NELL1: variants seen among roughly 807,000 people sequenced by gnomAD.
The protein encoded by NELL1 is protein kinase C-binding protein NELL1.
In NELL1, 76 loss-of-function variants were observed where a neutral mutation model predicts 107.4. The observed-to-expected ratio is 0.71, with a 90% confidence interval of 0.59 to 0.86. The LOEUF (loss-of-function observed/expected upper bound fraction) is 0.86. Ranked by LOEUF, NELL1 falls within the 40% of genes least tolerant of loss-of-function variation. The pLI is 0.00. For synonymous variants in NELL1, 353 were observed against 341.2 expected, an observed-to-expected ratio of 1.03 and a Z score of -0.38; for missense variants, 1,024 against 1,005.5, an observed-to-expected ratio of 1.02 and a Z score of -0.25.
At chr11:21,119,576 C>T (rs1002703650) in intron 13 of NELL1, among the ~76,000 whole-genome samples, 2 of 151,982 alleles carry the variant, frequency 1.3e-5, no homozygotes, top group African/African-American at 4.8e-5. Flanking sequence ...TCTCCCTTGG[C>T]CTTTGAAAGG....
At chr11:21,383,101 A>G (rs908356204) in intron 15 of NELL1, among the ~76,000 whole-genome samples, 1 of 152,008 alleles carries the variant, frequency 6.6e-6, no homozygotes, top group Non-Finnish European at 1.5e-5. Context: ...CTCAGAAGGA[A>G]TGTAACTCTT....
At chr11:21,326,149 AT>A (rs1309619757) in intron 14 of NELL1, among the ~76,000 whole-genome samples, 6 of 70,572 alleles carry the variant, frequency 8.5e-5, no homozygotes, top group Non-Finnish European at 1.5e-4. Flanking sequence ...TATATCTACC[AT>A]TTTGCTATTT....
intron 15 of NELL1, among the ~76,000 whole-genome samples, chr11:21,508,873 T>C (rs904669709): frequency 2.6e-5 from 4 of 152,126 alleles, no homozygotes; most frequent in African/African-American, 9.7e-5. Context: ...AAAGGCTTAA[T>C]CTATAACTGT....
chr11:21,217,371 G>C (rs141137667), intron 13 of NELL1, among the ~76,000 whole-genome samples: 18 of 152,214 alleles, frequency 1.2e-4, no homozygotes, highest in African/African-American at 4.3e-4. Flanking sequence ...TACATTGTGG[G>C]AAGCTGAGTG....
chr11:20,958,376 G>T (rs369960897), intron 11 of NELL1, among the ~76,000 whole-genome samples: 4 of 152,062 alleles, frequency 2.6e-5, no homozygotes, highest in Admixed American at 2.6e-4. Context: ...TTGTGCCACC[G>T]CACTCCAACC....
At chr11:21,234,901 A>T (rs1329779876) in intron 14 of NELL1, among the ~76,000 whole-genome samples, 3 of 152,176 alleles carry the variant, frequency 2.0e-5, no homozygotes, top group Non-Finnish European at 4.4e-5. Context: ...GCTCACAGGC[A>T]ATATGAGAGA....
chr11:20,944,981 A>T (rs1193037811), intron 10 of NELL1, among the ~76,000 whole-genome samples: 2 of 152,190 alleles, frequency 1.3e-5, no homozygotes, highest in African/African-American at 2.4e-5. Flanking sequence ...ATATACTTAT[A>T]CAATTTGGAA....
intron 2 of NELL1, among the ~76,000 whole-genome samples, chr11:20,705,901 A>C (rs1157901701): frequency 2.0e-5 from 3 of 152,224 alleles, no homozygotes; most frequent in African/African-American, 7.2e-5. Flanking sequence ...TGCAGCCAAA[A>C]GACACGTGAA....
Position 21,099,214 on chromosome 11 carries a change from C to CACACACAA in NELL1, c.1301-14368_1301-14367insAACACACA, listed in dbSNP as rs1854734707. 2.1e-5 allele frequency among the ~76,000 whole-genome samples: 3 copies of CACACACAA among 141,466 alleles called. No individual in the cohort carries two copies. The South Asian group carries it at 7.3e-4, about 34-fold the overall frequency. The allele number at this position is 141,466 out of a possible 152,430, so 92.8% of individuals were successfully genotyped here. Reference sequence around the variant, plus strand: ...AACAACACACACACACACACACACACACACACACACACACACACAAACACA... The same window carrying CACACACAA: ...AACAACACACACACACACACACACACACACACAAACACACACACACACACACAAACACA... On this transcript the variant is annotated intron_variant, in intron 12 of 19. Coordinates refer to ENST00000357134, the MANE Select transcript of NELL1 (RefSeq NM_006157.5).
At chr11:20,720,067 T>G (rs1855343752) in intron 2 of NELL1, among the ~76,000 whole-genome samples, 1 of 152,220 alleles carries the variant, frequency 6.6e-6, no homozygotes, top group African/African-American at 2.4e-5. Context: ...TTAATTGGCC[T>G]GCCCAAAGCC....
At chr11:20,815,234 T>C (rs1228707465) in intron 3 of NELL1, among the ~76,000 whole-genome samples, 1 of 152,064 alleles carries the variant, frequency 6.6e-6, no homozygotes, top group Admixed American at 6.5e-5. Context: ...CTGGCTAATT[T>C]TTGTATTTTT....
intron 15 of NELL1, among the ~76,000 whole-genome samples, chr11:21,409,320 C>G (rs1852311883): frequency 6.6e-6 from 1 of 152,010 alleles, no homozygotes; most frequent in African/African-American, 2.4e-5. Flanking sequence ...TCTCAGTAAA[C>G]TATCACAATG....
chr11:21,490,057 CA>C (rs1156514200), intron 15 of NELL1, among the ~76,000 whole-genome samples: 2 of 149,824 alleles, frequency 1.3e-5, no homozygotes, highest in Non-Finnish European at 2.9e-5. Flanking sequence ...AAAGACACCA[CA>C]AAAAAATCTC....
intron 14 of NELL1, among the ~76,000 whole-genome samples, chr11:21,358,565 A>ATTTTTTTTTTTTTTTTTT (rs75578174): frequency 6.1e-5 from 6 of 97,678 alleles, no homozygotes; most frequent in Non-Finnish European, 8.1e-5. Context: ...TGCCCTGATA[A>ATTTTTTTTTTTTTTTTTT]TTTTTTTTTT....
chr11:20,764,672 C>T (rs1336596651), intron 2 of NELL1, among the ~76,000 whole-genome samples: 1 of 148,604 alleles, frequency 6.7e-6, no homozygotes, highest in East Asian at 2.0e-4. Flanking sequence ...AAAAATGTTA[C>T]CCAGGTGATT....
intron 2 of NELL1, among the ~76,000 whole-genome samples, chr11:20,721,227 ATTTTG>A (rs1366432016): frequency 4.3e-5 from 2 of 46,188 alleles, no homozygotes; most frequent in East Asian, 1.3e-3. Flanking sequence ...TTATATATAT[ATTTTG>A]TTTATATATA....
intron 12 of NELL1, among the ~76,000 whole-genome samples, chr11:21,098,395 C>A (rs1854707482): frequency 6.6e-6 from 1 of 152,140 alleles, no homozygotes; most frequent in South Asian, 2.1e-4. Flanking sequence ...AAAGGCATGG[C>A]CAAGCCTGCC....
In NELL1 at chr11:20,751,876, T is replaced by C. The variant is rs561222124; in HGVS notation, c.185-31804T>C. On this transcript the variant is annotated intron_variant, in intron 2 of 19. Transcript: ENST00000357134. ...AACTTTCATTTTTATTGTTTATTAC[T>C]ATTTCATAGAATTGCAATTAACTTT... Among the ~76,000 whole-genome samples the C allele has an allele frequency of 1.1e-4, 17 of 152,350 alleles. No individual in the cohort carries two copies. The South Asian group carries it at 3.3e-3, about 30-fold the overall frequency.
chr11:21,090,516 G>T (rs1854496567), intron 12 of NELL1, among the ~76,000 whole-genome samples: 1 of 152,134 alleles, frequency 6.6e-6, no homozygotes, highest in East Asian at 1.9e-4. Context: ...AGGGGTTTGA[G>T]ATTTGGGCTC....
Sources: gnomAD v4.1 joint callset for allele counts (sites outside exome capture counted in the v4.1 genomes callset) on GRCh38, gnomAD v4.1.1 for gene constraint, MANE v1.5 for transcripts, NCBI Gene and HGNC (gene_info 2026-07-23, HGNC 2026-07-21) for gene names.